CCDC171: variants seen among roughly 807,000 people sequenced by gnomAD.
The protein encoded by CCDC171 is coiled-coil domain containing 171.
CCDC171 carries 177 observed loss-of-function variants against 168.2 expected under a neutral mutation model. The ratio of observed to expected loss-of-function variants is 1.05; its 90% CI spans 0.93 to 1.19. CCDC171 has a LOEUF of 1.19. CCDC171 is among the 50% of genes most tolerant of loss of function. The pLI is 0.00. For missense variants in CCDC171, 1,991 were observed against 1,539.0 expected (o/e 1.29, Z -4.91); for synonymous variants, 687 against 540.8 (o/e 1.27, Z -3.75).
At chr9:15,968,350 C>A (rs530815183) in intron 25 of CCDC171, among the ~76,000 whole-genome samples, 1 of 152,238 alleles carries the variant, frequency 6.6e-6, no homozygotes, top group South Asian at 2.1e-4. Context: ...TGAACACTAA[C>A]TTTTAATGTT....
chr9:15,772,240 T>C (rs1049131520), intron 18 of CCDC171, among the ~76,000 whole-genome samples: 4 of 152,222 alleles, frequency 2.6e-5, no homozygotes, highest in Non-Finnish European at 4.4e-5. Context: ...CTATTTCCTG[T>C]ATTTCCAGTT....
chr9:15,697,242 G>T (rs1159344182), intron 11 of CCDC171, among the ~76,000 whole-genome samples: 2 of 152,146 alleles, frequency 1.3e-5, no homozygotes, highest in Non-Finnish European at 2.9e-5. Context: ...TGTTGGGTGG[G>T]CCCTCTTTCA....
In CCDC171 at chr9:15,568,237, A is replaced by ATGATTT. The variant is rs2039908687; in HGVS notation, c.42-3382_42-3381insTTGATT. Among the ~76,000 whole-genome samples, 4 of 147,432 alleles carry ATGATTT rather than the reference A, an allele frequency of 2.7e-5. No homozygotes were observed. The South Asian group carries it at 8.7e-4, about 32-fold the overall frequency. ...ATGCCTTTTATTTCTTTTACATTGC[A>ATGATTT]TGATTGCACCATCTACATCTCCAAT... On this transcript the variant is annotated intron_variant, in intron 2 of 25. Coordinates refer to ENST00000380701, the MANE Select transcript of CCDC171 (RefSeq NM_173550.4).
downstream of CCDC171, among the ~76,000 whole-genome samples, chr9:15,974,486 C>T (rs1012061259): frequency 1.3e-5 from 2 of 152,124 alleles, no homozygotes; most frequent in Non-Finnish European, 2.9e-5. Flanking sequence ...GGAAGTTTTA[C>T]TTTACACTTC....
intron 24 of CCDC171, among the ~76,000 whole-genome samples, chr9:15,890,507 G>C (rs1248653851): frequency 6.6e-6 from 1 of 151,188 alleles, no homozygotes; most frequent in Non-Finnish European, 1.5e-5. Flanking sequence ...TGCAAAATGG[G>C]GATTGACCTG....
intron 21 of CCDC171, among the ~76,000 whole-genome samples, chr9:15,814,525 GCT>G (rs1315622211): frequency 2.6e-5 from 4 of 151,844 alleles, no homozygotes; most frequent in African/African-American, 9.7e-5. Flanking sequence ...TTTAAATGTT[GCT>G]CTCTGCTTAC....
intron 16 of CCDC171, among the ~76,000 whole-genome samples, chr9:15,740,294 T>A (rs934376040): frequency 1.3e-5 from 2 of 152,188 alleles, no homozygotes; most frequent in African/African-American, 4.8e-5. Context: ...CCATTTAGTC[T>A]GTCTTTTTGC....
At chr9:16,009,345 A>T (rs561171754) in intron 3 of CCDC171, among the ~76,000 whole-genome samples, 4 of 152,212 alleles carry the variant, frequency 2.6e-5, no homozygotes, top group Admixed American at 6.5e-5. Flanking sequence ...GACATCAAAT[A>T]TTGAGGTACA....
At chr9:15,971,057 C>G (rs1831314539) in intron 25 of CCDC171, among the ~76,000 whole-genome samples, 1 of 151,786 alleles carries the variant, frequency 6.6e-6, no homozygotes, top group Non-Finnish European at 1.5e-5. Flanking sequence ...AAAGTAAAGC[C>G]AAAGAGTTCT....
At chr9:15,554,498 A>G (rs1308320298) in intron 1 of CCDC171, among the ~76,000 whole-genome samples, 1 of 152,162 alleles carries the variant, frequency 6.6e-6, no homozygotes, top group Non-Finnish European at 1.5e-5. Flanking sequence ...GGGCTCAGCC[A>G]TTTATGAGCT....
intron 6 of CCDC171, among the ~76,000 whole-genome samples, chr9:15,603,715 A>G (rs995461424): frequency 1.3e-5 from 2 of 151,348 alleles, no homozygotes; most frequent in Non-Finnish European, 2.9e-5. Flanking sequence ...ATGAGCATAC[A>G]TGTGCATGTG....
intron 16 of CCDC171, among the ~76,000 whole-genome samples, chr9:15,739,970 C>T (rs1265478289): frequency 1.3e-5 from 2 of 152,154 alleles, no homozygotes; most frequent in African/African-American, 2.4e-5. Context: ...ATCTCCTGGT[C>T]TTGTGATCCA....
At chr9:16,039,720 T>G (rs1342074345), upstream of CCDC171, among the ~76,000 whole-genome samples, 1 of 152,130 alleles carries the variant, frequency 6.6e-6, no homozygotes, top group Non-Finnish European at 1.5e-5. Context: ...TGACCCAGAA[T>G]TTGCACACAT....
chr9:15,606,673 A>G (rs954990116), intron 6 of CCDC171, among the ~76,000 whole-genome samples: 2 of 152,214 alleles, frequency 1.3e-5, no homozygotes, highest in African/African-American at 2.4e-5. Context: ...ATTCTGAGAA[A>G]TGTTGTTTAT....
downstream of CCDC171, among the ~76,000 whole-genome samples, chr9:16,064,854 G>T (rs968842372): frequency 6.6e-6 from 1 of 152,172 alleles, no homozygotes; most frequent in Non-Finnish European, 1.5e-5. Context: ...GAGAGCCCTC[G>T]AAGTTCATGG....
At chr9:15,720,492 C>T (rs886555250) in intron 11 of CCDC171, among the ~76,000 whole-genome samples, 3 of 151,810 alleles carry the variant, frequency 2.0e-5, no homozygotes, top group African/African-American at 4.8e-5. Flanking sequence ...AATAGTAGGA[C>T]GTATAATATG....
chr9:16,064,789 G>A (rs923883227), downstream of CCDC171, among the ~76,000 whole-genome samples: 4 of 152,190 alleles, frequency 2.6e-5, no homozygotes, highest in Admixed American at 2.6e-4. Flanking sequence ...TTTATCAGTT[G>A]TTTCTGTATA....
chr9:15,847,160 C>T (rs1219732271), intron 22 of CCDC171, among the ~76,000 whole-genome samples: 4 of 151,986 alleles, frequency 2.6e-5, no homozygotes, highest in Non-Finnish European at 5.9e-5. Flanking sequence ...AAAAGTTTTG[C>T]ATAGTATCTT....
At chr9:16,009,743 A>C (rs762385014) in intron 3 of CCDC171, among the ~76,000 whole-genome samples, 18 of 152,228 alleles carry the variant, frequency 1.2e-4, no homozygotes, top group Non-Finnish European at 1.5e-4. Flanking sequence ...AAATCTAGAT[A>C]AACTTCTGAG....
Sources: gnomAD v4.1 joint callset for allele counts (sites outside exome capture counted in the v4.1 genomes callset) on GRCh38, gnomAD v4.1.1 for gene constraint, MANE v1.5 for transcripts, NCBI Gene and HGNC (gene_info 2026-07-23, HGNC 2026-07-21) for gene names.